SAP130: variants seen among roughly 807,000 people sequenced by gnomAD.
SAP130 encodes Sin3A associated protein 130.
SAP130 carries 16 observed loss-of-function variants against 103.2 expected under a neutral mutation model. The observed-to-expected ratio is 0.16, with a 90% CI of 0.10 to 0.24. The LOEUF is 0.24. Ranked by LOEUF, SAP130 falls within the 10% of genes least tolerant of loss-of-function variation. The pLI is 1.00. For missense variants in SAP130, 990 were observed against 1,359.7 expected (o/e 0.73, Z 4.28); for synonymous variants, 477 against 497.0 (o/e 0.96, Z 0.53).
intron 14 of SAP130, among the ~76,000 whole-genome samples, chr2:127,980,751 C>T (rs1030020040): frequency 1.3e-5 from 2 of 151,996 alleles, no homozygotes; most frequent in African/African-American, 4.8e-5. Context: ...CGAGACCAGC[C>T]GGGGCAACAT....
chr2:127,985,623 A>C (rs1438042374), intron 14 of SAP130, among the ~76,000 whole-genome samples: 2 of 152,092 alleles, frequency 1.3e-5, no homozygotes, highest in Non-Finnish European at 2.9e-5. Context: ...GTTTGCCCAC[A>C]GTGACATAGA....
chr2:128,015,851 G>C (rs1418600986), intron 4 of SAP130, among the ~76,000 whole-genome samples: 1 of 150,660 alleles, frequency 6.6e-6, no homozygotes, highest in Non-Finnish European at 1.5e-5. Context: ...TGAGGCAAGA[G>C]AATGGCTCGA....
intron 15 of SAP130, among the ~76,000 whole-genome samples, chr2:127,976,611 T>C (rs1681473391): frequency 6.6e-6 from 1 of 152,210 alleles, no homozygotes; most frequent in South Asian, 2.1e-4. Flanking sequence ...AAGATCTCTT[T>C]TAAGAATCTA....
chr2:127,968,715 CATGT>C (rs1232918071), intron 15 of SAP130, among the ~76,000 whole-genome samples: 2 of 152,038 alleles, frequency 1.3e-5, no homozygotes, highest in Non-Finnish European at 2.9e-5. Flanking sequence ...AGGGTTTCAC[CATGT>C]TGGCCAGGCT....
At position 127,955,829 on chromosome 2, in the gene SAP130, T is replaced by G. The variant is rs552662491; in HGVS notation, c.2064-485A>C. Reference sequence around the variant, plus strand: ...TGACTTTAAAGTTTAACAAAGCAATTTTAAATGGAAATCAGGTTTTAAAGA... The same window carrying G: ...TGACTTTAAAGTTTAACAAAGCAATGTTAAATGGAAATCAGGTTTTAAAGA... On this transcript the variant is annotated intron_variant, in intron 15 of 20. Transcript: ENST00000643581. The surrounding 1 kb of genome is among the most constrained non-coding windows in gnomAD (Gnocchi z 4.9). 4.6e-5 allele frequency among the ~76,000 whole-genome samples: 7 copies of G among 152,334 alleles called. No individual in the cohort carries two copies. The highest frequency in any genetic ancestry group is 2.0e-4 in the Admixed American group (3 of 15,292).
intron 6 of SAP130, 148 bp from the exon 7 acceptor site, chr2:128,010,541 C>T: frequency 1.1e-6 from 1 of 880,974 alleles, no homozygotes; most frequent in East Asian, 2.7e-5. Context: ...TTAAGGAATT[C>T]TCTTTTCAGA....
At chr2:128,022,485 G>A (rs1163547716) in intron 2 of SAP130, among the ~76,000 whole-genome samples, 1 of 152,202 alleles carries the variant, frequency 6.6e-6, no homozygotes, top group East Asian at 1.9e-4. Context: ...TATGGAATGA[G>A]ATTGCTCAGT....
rs868636374 is a variant in SAP130 at position 128,010,155 on chromosome 2, T to C, written c.869+114A>G. The C allele has an allele frequency of 8.4e-5, 97 of 1,158,410 alleles. No homozygotes were observed. Among genetic ancestry groups the C allele is most frequent in the Middle Eastern group, 5.3e-4 (2 of 3,798 alleles). 71.8% of individuals were successfully genotyped at this position (1,158,410 alleles called of 1,614,324 possible). Reference sequence around the variant, plus strand: ...AGGATTTAGAACACTACATAGCTCATTATAAAAAAAAAAAGCCACTCAATA... The same window carrying C: ...AGGATTTAGAACACTACATAGCTCACTATAAAAAAAAAAAGCCACTCAATA... On this transcript the variant is annotated intron_variant, in intron 7 of 20. Coordinates refer to ENST00000643581, the MANE Select transcript of SAP130 (RefSeq NM_001330301.2).
At chr2:128,014,946 C>T (rs1553516040) in intron 4 of SAP130, 32 bp from the exon 5 acceptor site, 4 of 1,581,832 alleles carry the variant, frequency 2.5e-6, no homozygotes, top group Non-Finnish European at 3.5e-6. Flanking sequence ...GTTATTTTTA[C>T]ATGTTTGCTC....
In SAP130 at chr2:127,942,180, T is replaced by G; in HGVS notation, c.3016-16A>C. 6.3e-7 allele frequency: 1 copy of G among 1,575,478 alleles called. No individual in the cohort carries two copies. Among genetic ancestry groups the G allele is most frequent in the Non-Finnish European group, 8.6e-7 (1 of 1,165,678 alleles). Reference sequence around the variant, plus strand: ...GCATATTTCCCTGAAACAGAAGACATTGCATCATCAATCAGTGACCATGAG... The same window carrying G: ...GCATATTTCCCTGAAACAGAAGACAGTGCATCATCAATCAGTGACCATGAG... On this transcript the variant is annotated splice_polypyrimidine_tract_variant and intron_variant, in intron 20 of 20. Coordinates refer to ENST00000643581, the MANE Select transcript of SAP130 (RefSeq NM_001330301.2). This position sits in a 1 kb window ranked among gnomAD's most constrained non-coding sequence, Gnocchi z 4.8.
Position 127,986,641 on chromosome 2 carries a change from G to T in SAP130, c.1958+144C>A. 1.2e-6 allele frequency: 1 copy of T among 820,976 alleles called. No individual in the cohort carries two copies. The highest frequency in any genetic ancestry group is 1.9e-6 in the Non-Finnish European group (1 of 515,020). 50.9% of individuals were successfully genotyped at this position (820,976 alleles called of 1,614,324 possible). A position where few individuals can be genotyped will look rare whatever the true frequency, so the allele number is the denominator to read the frequency against. ...GTAAGGCTCTACTGAATAATCCTGT[G>T]GTCAAGTTGTTTTGGAGGAAATTTT... On this transcript the variant is annotated intron_variant, in intron 14 of 20. Transcript: ENST00000643581. This position sits in a 1 kb window ranked among gnomAD's most constrained non-coding sequence, Gnocchi z 4.7.
At chr2:128,020,055 C>A (rs866747529) in intron 2 of SAP130, among the ~76,000 whole-genome samples, 2 of 152,084 alleles carry the variant, frequency 1.3e-5, no homozygotes, top group Admixed American at 1.3e-4. Context: ...GTACCATAAA[C>A]AAAGTAATGT....
intron 15 of SAP130, among the ~76,000 whole-genome samples, chr2:127,960,079 T>C (rs2461440): frequency 0.82 from 125,475 of 152,130 alleles, 52,301 homozygotes; most frequent in Middle Eastern, 0.88. Flanking sequence ...AGGCCGAAGA[T>C]GGATCAGTAT....
chr2:128,021,085 T>G (rs1685119512), intron 2 of SAP130, among the ~76,000 whole-genome samples: 1 of 152,224 alleles, frequency 6.6e-6, no homozygotes, highest in Non-Finnish European at 1.5e-5. Context: ...TCCAAATTTT[T>G]GCTTTTATCA....
chr2:127,945,144 C>T (rs1196440549), intron 19 of SAP130, among the ~76,000 whole-genome samples: 13 of 152,196 alleles, frequency 8.5e-5, no homozygotes, highest in East Asian at 5.8e-4. Context: ...GAGGGACTCT[C>T]GGTTAGGCCG....
At chr2:128,010,640 A>T (rs1462235535) in intron 6 of SAP130, among the ~76,000 whole-genome samples, 1 of 152,142 alleles carries the variant, frequency 6.6e-6, no homozygotes, top group Non-Finnish European at 1.5e-5. Flanking sequence ...TGGGCAGATC[A>T]ACTGAGATCA....
chr2:127,990,360 T>TG (rs1289087471), intron 12 of SAP130, among the ~76,000 whole-genome samples: 12 of 149,130 alleles, frequency 8.0e-5, no homozygotes, highest in Non-Finnish European at 1.6e-4. Context: ...CTGTGTATAT[T>TG]GAAAAAAAAA....
rs772944249 is a variant in SAP130, at chr2:128,010,552, T to C, written c.745-159A>G. On this transcript the variant is annotated intron_variant, in intron 6 of 20. Transcript: ENST00000643581. ...CCAATTAAGGAATTCTCTTTTCAGATAGGTTGTTATAAGACCAAGAGCCAG... is the reference window on the plus strand; with the variant it reads ...CCAATTAAGGAATTCTCTTTTCAGACAGGTTGTTATAAGACCAAGAGCCAG... 2.6e-5 allele frequency among the ~76,000 whole-genome samples: 4 copies of C among 152,296 alleles called. No individual in the cohort carries two copies. The East Asian group carries it at 7.7e-4, about 29-fold the overall frequency.
At chr2:127,965,792 A>AAG (rs1040953419) in intron 15 of SAP130, among the ~76,000 whole-genome samples, 7 of 151,876 alleles carry the variant, frequency 4.6e-5, no homozygotes, top group Admixed American at 1.3e-4. Flanking sequence ...TGTCTCAAAA[A>AAG]AGAGAGAGAG....
Sources: allele counts gnomAD v4.1 joint callset (sites outside exome capture counted in the v4.1 genomes callset), GRCh38; gene constraint gnomAD v4.1.1; non-coding constraint Gnocchi (gnomAD v3.1); transcripts MANE v1.5; gene names NCBI Gene and HGNC (gene_info 2026-07-23, HGNC 2026-07-21).